The following PAPPA variants were observed in gnomAD, a reference collection of about 807,000 sequenced individuals.
PAPPA encodes the protein pappalysin-1.
PAPPA carries 60 observed loss-of-function variants against 164.0 expected under a neutral mutation model. The ratio of observed to expected loss-of-function variants is 0.37; its 90% CI spans 0.30 to 0.45. The LOEUF is 0.45. PAPPA is among the 20% of genes least tolerant of loss of function. The pLI, the probability that PAPPA is intolerant of heterozygous loss-of-function variation, is 1.00. For synonymous variants in PAPPA, 875 were observed against 814.1 expected (o/e 1.07, Z -1.27); for missense variants, 1,782 against 2,087.3 (o/e 0.85, Z 2.85).
At chr9:116,338,060 A>T (rs1004288688) in intron 13 of PAPPA, among the ~76,000 whole-genome samples, 2 of 152,186 alleles carry the variant, frequency 1.3e-5, no homozygotes, top group Non-Finnish European at 2.9e-5. Flanking sequence ...GGTGATATTG[A>T]GGCTCCAGTA....
At chr9:116,210,290 C>T (rs1195477754) in intron 3 of PAPPA, among the ~76,000 whole-genome samples, 1 of 152,118 alleles carries the variant, frequency 6.6e-6, no homozygotes, top group African/African-American at 2.4e-5. Flanking sequence ...AAATTAAGTC[C>T]TCCAGTGACC....
chr9:116,230,090 CCT>C (rs1425230021), intron 6 of PAPPA, among the ~76,000 whole-genome samples: 2 of 152,136 alleles, frequency 1.3e-5, no homozygotes, highest in Non-Finnish European at 2.9e-5. Flanking sequence ...TCTCTGGTTC[CCT>C]GAGCCAATTC....
chr9:116,259,980 T>C (rs1844981909), intron 7 of PAPPA, among the ~76,000 whole-genome samples: 1 of 152,206 alleles, frequency 6.6e-6, no homozygotes, highest in Non-Finnish European at 1.5e-5. Context: ...AAAATATTTA[T>C]GTTAGTGAAA....
intron 17 of PAPPA, among the ~76,000 whole-genome samples, chr9:116,362,034 A>G (rs1317891931): frequency 6.6e-6 from 1 of 152,180 alleles, no homozygotes; most frequent in Non-Finnish European, 1.5e-5. Flanking sequence ...ATGAAATGGA[A>G]TAGAATGGAA....
At chr9:116,286,101 G>C (rs183296600) in intron 9 of PAPPA, 1 of 152,168 alleles carries the variant, frequency 6.6e-6, no homozygotes, top group Non-Finnish European at 1.5e-5. Flanking sequence ...GAGGTAGAAA[G>C]TATGCTATCT....
Position 116,383,015 on chromosome 9 carries a change from T to G in PAPPA, c.4776+522T>G, listed in dbSNP as rs574103917. Among the ~76,000 whole-genome samples, 150 of 152,348 alleles carry G rather than the reference T, an allele frequency of 9.8e-4. 1 individual carries two copies. The highest frequency in any genetic ancestry group is 3.3e-3 in the African/African-American group (139 of 41,592). ...TCATTTACAGTCTTTGAGCATTTTA[T>G]TATCTATCTTATTTGTCACACCTGT... On this transcript the variant is annotated intron_variant, in intron 21 of 21. Coordinates refer to ENST00000328252, the MANE Select transcript of PAPPA (RefSeq NM_002581.5).
At chr9:116,228,690 C>T (rs1844547638) in intron 6 of PAPPA, among the ~76,000 whole-genome samples, 1 of 152,156 alleles carries the variant, frequency 6.6e-6, no homozygotes, top group African/African-American at 2.4e-5. Flanking sequence ...CTCAGTTCAG[C>T]CTCACAGAAT....
intron 10 of PAPPA, among the ~76,000 whole-genome samples, chr9:116,319,318 AGCCCCCT>A (rs1364710537): frequency 6.6e-6 from 1 of 152,180 alleles, no homozygotes; most frequent in African/African-American, 2.4e-5. Flanking sequence ...GAGGAGCTCA[AGCCCCCT>A]GCCCATCTCC....
chr9:116,227,518 C>G lies in PAPPA; in HGVS notation c.2199C>G (p.Ser733Arg). The G allele has an allele frequency of 1.2e-6, 2 of 1,614,066 alleles. No individual in the cohort carries two copies. Among genetic ancestry groups the G allele is most frequent in the African/African-American group, 1.3e-5 (1 of 75,024 alleles). Reference sequence around the variant, plus strand: ...ACGCTTCCTCCCCAATGCCCTGCAGCCCATCAGGACACTGGAGCCCTCGTG... The same window carrying G: ...ACGCTTCCTCCCCAATGCCCTGCAGGCCATCAGGACACTGGAGCCCTCGTG... The part of the protein sequence containing the change: ...ASNASSPMPC[S>R]PSGHWSPREA... The change falls in exon 6 of 22, where the codon AGC becomes AGG. Residue 733 changes from serine (S) to arginine (R), a missense_variant. This residue lies in a region of PAPPA where 1,324 missense variants were observed against 1,656.9 expected (regional missense o/e 0.80). Coordinates refer to ENST00000328252, the MANE Select transcript of PAPPA (RefSeq NM_002581.5).
intron 10 of PAPPA, among the ~76,000 whole-genome samples, chr9:116,317,588 G>T (rs140538632): frequency 6.6e-6 from 1 of 152,168 alleles, no homozygotes; most frequent in Non-Finnish European, 1.5e-5. Flanking sequence ...CAGGTTTGGG[G>T]CTATAGAGCA....
chr9:116,196,036 A>G (rs1205334407), intron 2 of PAPPA, among the ~76,000 whole-genome samples: 1 of 152,212 alleles, frequency 6.6e-6, no homozygotes, highest in Non-Finnish European at 1.5e-5. Flanking sequence ...GGCTCATTGA[A>G]TAGTGAGTAG....
At chr9:116,263,795 C>A (rs1009264611) in intron 7 of PAPPA, among the ~76,000 whole-genome samples, 1 of 152,070 alleles carries the variant, frequency 6.6e-6, no homozygotes, top group African/African-American at 2.4e-5. Context: ...GGAAGAGACG[C>A]GACGAGAGGA....
chr9:116,383,598 T>C (rs1276200584), intron 21 of PAPPA, among the ~76,000 whole-genome samples: 2 of 152,224 alleles, frequency 1.3e-5, no homozygotes, highest in African/African-American at 4.8e-5. Flanking sequence ...CTTAGGAGAG[T>C]TGGTTTCTTC....
At chr9:116,391,210 G>A (rs371204433) in intron 21 of PAPPA, among the ~76,000 whole-genome samples, 6 of 152,174 alleles carry the variant, frequency 3.9e-5, no homozygotes, top group East Asian at 1.9e-4. Context: ...TACATTAACT[G>A]TTCCACGTTT....
At chr9:116,326,530 T>A (rs931029241) in intron 10 of PAPPA, among the ~76,000 whole-genome samples, 1 of 152,216 alleles carries the variant, frequency 6.6e-6, no homozygotes, top group Non-Finnish European at 1.5e-5. Context: ...TGGATCAACA[T>A]TGAATGTCAA....
intron 13 of PAPPA, among the ~76,000 whole-genome samples, chr9:116,342,633 G>C (rs904687992): frequency 1.3e-5 from 2 of 151,998 alleles, no homozygotes; most frequent in Non-Finnish European, 2.9e-5. Context: ...TGGGTATCGT[G>C]AAACTGAGAG....
intron 2 of PAPPA, among the ~76,000 whole-genome samples, chr9:116,194,960 A>G (rs554840772): frequency 2.0e-5 from 3 of 152,330 alleles, no homozygotes; most frequent in African/African-American, 7.2e-5. Flanking sequence ...TAAAGACCCT[A>G]TAACTTCTAT....
Position 116,154,496 on chromosome 9 carries a change from C to T in PAPPA, c.324C>T (p.Leu108=). The T allele has an allele frequency of 7.5e-7, 1 of 1,340,258 alleles. No homozygotes were observed. Among genetic ancestry groups the T allele is most frequent in the Non-Finnish European group, 9.6e-7 (1 of 1,044,496 alleles). 83.0% of individuals were successfully genotyped at this position (1,340,258 alleles called of 1,614,324 possible). A position where few individuals can be genotyped will look rare whatever the true frequency, so the allele number is the denominator to read the frequency against. ...YFSGRGEQLR[L]RADLELPRDA... The stretch of plus-strand genomic sequence containing the variant: ...GCGGGCGAGGCGAGCAGCTGCGCCT[C>T]CGGGCCGACCTCGAGCTGCCCCGGG... Residue 108 remains leucine (L), a synonymous_variant, in exon 1 of 22, where the codon CTC becomes CTT. Coordinates refer to ENST00000328252, the MANE Select transcript of PAPPA (RefSeq NM_002581.5). The surrounding 1 kb of genome is among the most constrained non-coding windows in gnomAD (Gnocchi z 5.2).
chr9:116,187,899 G>C lies in PAPPA; in HGVS notation c.1161G>C (p.Lys387Asn). The change falls in exon 2 of 22, where the codon AAG becomes AAC. Residue 387 changes from lysine (K) to asparagine (N), a missense_variant. Lys to Asn is a moderately conservative substitution (Grantham distance 94, BLOSUM62 0). Coordinates refer to ENST00000328252, the MANE Select transcript of PAPPA (RefSeq NM_002581.5). The surrounding 1 kb of genome is among the most constrained non-coding windows in gnomAD (Gnocchi z 4.2). ...ACCATCAGCTGGCTGAGGCCTTCAA[G>C]CAATACAACATCTCCTGGGAGCTGG... ...FQHHQLAEAF[K>N]QYNISWELDV... 1 of 1,614,186 alleles carries C rather than the reference G, an allele frequency of 6.2e-7. No individual in the cohort carries two copies. Among genetic ancestry groups the C allele is most frequent in the African/African-American group, 1.3e-5 (1 of 75,074 alleles).
Sources: gnomAD v4.1 joint callset for allele counts (sites outside exome capture counted in the v4.1 genomes callset) on GRCh38, gnomAD v4.1.1 for gene constraint, gnomAD v4.1.1 regional missense constraint, Gnocchi (gnomAD v3.1) non-coding constraint, MANE v1.5 for transcripts, NCBI Gene and HGNC (gene_info 2026-07-23, HGNC 2026-07-21) for gene names.